Variants in ZNF407 observed in about 807,000 individuals in gnomAD.
ZNF407 encodes zinc finger protein 407.
Under a neutral mutation model 131.2 loss-of-function variants are expected in ZNF407, and 17 were observed. The observed-to-expected ratio is 0.13, with a 90% CI of 0.09 to 0.19. The LOEUF (loss-of-function observed/expected upper bound fraction) is 0.19, where lower values mean the gene tolerates loss of function less well. Among genes scored for constraint, ZNF407 ranks in the 10% least tolerant of loss-of-function variants. The pLI is 1.00. For synonymous variants in ZNF407, 1,156 were observed against 1,062.0 expected, an observed-to-expected ratio of 1.09 and a Z score of -1.72; for missense variants, 2,681 against 2,830.6, an observed-to-expected ratio of 0.95 and a Z score of 1.20.
chr18:74,727,348 G>A (rs984599054), intron 3 of ZNF407, among the ~76,000 whole-genome samples: 2 of 152,136 alleles, frequency 1.3e-5, no homozygotes, highest in African/African-American at 4.8e-5. Flanking sequence ...AGTGAAGAGA[G>A]TTGAGCCCTC....
chr18:74,686,825 T>G (rs1202472136), intron 3 of ZNF407, among the ~76,000 whole-genome samples: 4 of 152,356 alleles, frequency 2.6e-5, no homozygotes, highest in Non-Finnish European at 5.9e-5. Flanking sequence ...CTTTTAATGT[T>G]GCAGTTTCCA....
In ZNF407 at chr18:74,854,549, GTTA is replaced by G. The variant is rs1451888717; in HGVS notation, c.4878-22643_4878-22641del. 2.0e-5 allele frequency among the ~76,000 whole-genome samples: 3 copies of G among 152,214 alleles called. No homozygotes were observed. The East Asian group carries it at 5.8e-4, about 29-fold the overall frequency. ...CAAAGAATGAAAAGTTTAAGCTTTA[GTTA>G]TTATGGCAAAATAATAACATTAATT... On this transcript the variant is annotated intron_variant, in intron 4 of 8. Transcript: ENST00000299687.
intron 7 of ZNF407, among the ~76,000 whole-genome samples, chr18:74,895,817 A>G (rs1005846686): frequency 3.3e-5 from 5 of 152,198 alleles, no homozygotes; most frequent in Admixed American, 3.3e-4. Flanking sequence ...CACTTGTTTC[A>G]GCAGCCTCCT....
intron 8 of ZNF407, among the ~76,000 whole-genome samples, chr18:75,037,152 A>G (rs930145620): frequency 6.5e-4 from 99 of 152,314 alleles, no homozygotes; most frequent in Non-Finnish European, 5.1e-4. Context: ...GCCTCCCACT[A>G]TGGTACTGAG....
intron 3 of ZNF407, among the ~76,000 whole-genome samples, chr18:74,710,820 C>A (rs777614103): frequency 2.0e-5 from 3 of 152,208 alleles, no homozygotes; most frequent in South Asian, 2.1e-4. Flanking sequence ...CTAATTGTTG[C>A]GTTTGGCTTT....
intron 3 of ZNF407, among the ~76,000 whole-genome samples, chr18:74,750,900 T>C (rs947057651): frequency 6.6e-6 from 1 of 152,216 alleles, no homozygotes; most frequent in African/African-American, 2.4e-5. Context: ...TGATATATCA[T>C]TGACGTTTTG....
chr18:74,864,062 T>A (rs1333299278), intron 4 of ZNF407, among the ~76,000 whole-genome samples: 1 of 152,212 alleles, frequency 6.6e-6, no homozygotes, highest in Non-Finnish European at 1.5e-5. Context: ...TTGGAGTGCA[T>A]GTAGACTCTA....
intron 8 of ZNF407, among the ~76,000 whole-genome samples, chr18:75,019,762 G>A (rs992639415): frequency 6.6e-5 from 10 of 152,140 alleles, no homozygotes; most frequent in Middle Eastern, 3.2e-3. Flanking sequence ...GGCTGGGGAG[G>A]CCTCAGGAAA....
intron 8 of ZNF407, among the ~76,000 whole-genome samples, chr18:75,026,939 A>C (rs1342957389): frequency 6.6e-6 from 1 of 152,200 alleles, no homozygotes; most frequent in African/African-American, 2.4e-5. Flanking sequence ...CTACATCAGT[A>C]AACACTGTCA....
intron 8 of ZNF407, among the ~76,000 whole-genome samples, chr18:75,017,039 G>A (rs927091016): frequency 2.0e-5 from 3 of 152,078 alleles, no homozygotes; most frequent in African/African-American, 7.2e-5. Flanking sequence ...CTGAGTGGCA[G>A]TGGGAATCAA....
chr18:74,705,558 A>T (rs1292777451), intron 3 of ZNF407, among the ~76,000 whole-genome samples: 3 of 152,230 alleles, frequency 2.0e-5, no homozygotes, highest in African/African-American at 7.2e-5. Flanking sequence ...TTGGTAGATT[A>T]GACTTTTTGA....
At chr18:74,738,161 C>T (rs1346707585) in intron 3 of ZNF407, among the ~76,000 whole-genome samples, 1 of 152,088 alleles carries the variant, frequency 6.6e-6, no homozygotes, top group African/African-American at 2.4e-5. Context: ...GTGGCTCACA[C>T]CTGTAATCCC....
rs775567861 is a variant in ZNF407, at chr18:75,063,605, G to A, written c.5884G>A (p.Ala1962Thr). ...GMDESLSPGG[A>T]VIQQVTKQEI... ...GGATGAGTCCCTCAGTCCAGGTGGC[G>A]CTGTGATACAACAGGTGACCAAGCA... Residue 1962 changes from alanine (A) to threonine (T), a missense_variant, in exon 9 of 9, where the codon GCT becomes ACT. Ala to Thr is a moderately conservative substitution (Grantham distance 58, BLOSUM62 0). This residue lies in a region of ZNF407 where 620 missense variants were observed against 583.1 expected (regional missense o/e 1.06). Coordinates refer to ENST00000299687, the MANE Select transcript of ZNF407 (RefSeq NM_017757.3). This position sits in a 1 kb window ranked among gnomAD's most constrained non-coding sequence, Gnocchi z 6.6. The A allele has an allele frequency of 1.8e-5, 29 of 1,575,602 alleles. No individual in the cohort carries two copies. The highest frequency in any genetic ancestry group is 5.6e-5 in the Admixed American group (3 of 53,996).
intron 2 of ZNF407, among the ~76,000 whole-genome samples, chr18:74,638,058 A>T (rs1984540857): frequency 6.6e-6 from 1 of 152,180 alleles, no homozygotes. Flanking sequence ...TTCATGTAAC[A>T]TGGGCTGTTG....
rs1967555642 is a variant in ZNF407 at position 74,703,722 on chromosome 18, T to G, written c.4802+62600T>G. On this transcript the variant is annotated intron_variant, in intron 3 of 8. Coordinates refer to ENST00000299687, the MANE Select transcript of ZNF407 (RefSeq NM_017757.3). This position sits in a 1 kb window ranked among gnomAD's most constrained non-coding sequence, Gnocchi z 4.1. ...TTTTTTTTAACTGAATATGGTAATG[T>G]TTTTAATACATCATCAACAAGTTCT... is the stretch of plus-strand genomic sequence containing the variant. 6.6e-6 allele frequency among the ~76,000 whole-genome samples: 1 copy of G among 152,118 alleles called. No individual in the cohort carries two copies. Among genetic ancestry groups the G allele is most frequent in the Admixed American group, 6.5e-5 (1 of 15,268 alleles).
intron 8 of ZNF407, among the ~76,000 whole-genome samples, chr18:75,020,235 A>G (rs564610330): frequency 3.0e-4 from 46 of 152,100 alleles, no homozygotes; most frequent in Non-Finnish European, 6.0e-4. Flanking sequence ...ATGTAGGAAA[A>G]AGCATATAGT....
At position 74,703,341 on chromosome 18, in the gene ZNF407, C is replaced by T. The variant is rs1408288272; in HGVS notation, c.4802+62219C>T. Among the ~76,000 whole-genome samples, 1 of 150,820 alleles carries T rather than the reference C, an allele frequency of 6.6e-6. No individual in the cohort carries two copies. The highest frequency in any genetic ancestry group is 1.5e-5 in the Non-Finnish European group (1 of 67,748). ...GAGTTTTAGATCTCTCTCTCTCTCT[C>T]CCCATGTGTGTCTCTGTCTCTGTCT... On this transcript the variant is annotated intron_variant, in intron 3 of 8. Coordinates refer to ENST00000299687, the MANE Select transcript of ZNF407 (RefSeq NM_017757.3). The surrounding 1 kb of genome is among the most constrained non-coding windows in gnomAD (Gnocchi z 4.1).
At chr18:74,732,047 C>T (rs1253626162) in intron 3 of ZNF407, among the ~76,000 whole-genome samples, 1 of 152,066 alleles carries the variant, frequency 6.6e-6, no homozygotes, top group Non-Finnish European at 1.5e-5. Context: ...ACAAAGTAAC[C>T]TAGGTAGGTT....
At chr18:74,680,163 G>A (rs1440363255) in intron 3 of ZNF407, among the ~76,000 whole-genome samples, 1 of 152,110 alleles carries the variant, frequency 6.6e-6, no homozygotes, top group African/African-American at 2.4e-5. Context: ...GGTTGAGGTG[G>A]GCAGATCCAT....
Sources: gnomAD v4.1 joint callset for allele counts (sites outside exome capture counted in the v4.1 genomes callset) on GRCh38, gnomAD v4.1.1 for gene constraint, gnomAD v4.1.1 regional missense constraint, Gnocchi (gnomAD v3.1) non-coding constraint, MANE v1.5 for transcripts, NCBI Gene and HGNC (gene_info 2026-07-23, HGNC 2026-07-21) for gene names.